Variants in RAB27A observed in about 807,000 individuals in gnomAD.
RAB27A encodes the protein ras-related protein Rab-27A.
In RAB27A, 17 loss-of-function variants were observed where a neutral mutation model predicts 20.8. The observed-to-expected ratio is 0.82, with a 90% CI of 0.56 to 1.23. The LOEUF (loss-of-function observed/expected upper bound fraction) is 1.23. RAB27A is among the 50% of genes most tolerant of loss of function. The probability of loss-of-function intolerance (pLI) is 0.00; values close to 1 mark genes in which losing one functional copy is unlikely to be tolerated. For synonymous variants in RAB27A, 85 were observed against 92.8 expected, an observed-to-expected ratio of 0.92 and a Z score of 0.48; for missense variants, 277 against 266.7, an observed-to-expected ratio of 1.04 and a Z score of -0.27.
chr15:55,296,014 A>G (rs1281341458), intron 2 of RAB27A, among the ~76,000 whole-genome samples: 1 of 151,100 alleles, frequency 6.6e-6, no homozygotes, highest in Non-Finnish European at 1.5e-5. Flanking sequence ...CTCCTGCCTC[A>G]GCCTCTCGAG....
chr15:55,312,283 G>A (rs147671762), intron 2 of RAB27A, among the ~76,000 whole-genome samples: 3 of 152,288 alleles, frequency 2.0e-5, no homozygotes, highest in African/African-American at 7.2e-5. Flanking sequence ...AGCTGGAGCC[G>A]TAACAAATAT....
At chr15:55,305,237 T>C (rs147588038) in intron 2 of RAB27A, among the ~76,000 whole-genome samples, 2 of 152,248 alleles carry the variant, frequency 1.3e-5, no homozygotes, top group African/African-American at 4.8e-5. Context: ...ACCCAAGTGC[T>C]TTTGGGGAGG....
chr15:55,228,572 A>ATT (rs781708799), intron 5 of RAB27A, 37 bp downstream of exon 5: 16 of 1,418,582 alleles, frequency 1.1e-5, no homozygotes, highest in Admixed American at 1.7e-5. Context: ...ATAAGAGGGG[A>ATT]CTGTGTAGCA....
chr15:55,221,502 A>G (rs1012843847), intron 6 of RAB27A, among the ~76,000 whole-genome samples: 2 of 152,144 alleles, frequency 1.3e-5, no homozygotes, highest in Non-Finnish European at 2.9e-5. Flanking sequence ...ACTGGCCGGT[A>G]AGACTCTGTC....
chr15:55,242,661 TTTAAG>T (rs879862729), intron 2 of RAB27A, among the ~76,000 whole-genome samples: 30 of 152,242 alleles, frequency 2.0e-4, no homozygotes, highest in African/African-American at 4.8e-4. Context: ...CAGAAAGAAA[TTTAAG>T]TTAAGTACAA....
At chr15:55,238,279 C>G (rs1896343886) in intron 2 of RAB27A, 1 of 152,090 alleles carries the variant, frequency 6.6e-6, no homozygotes, top group Non-Finnish European at 1.5e-5. Flanking sequence ...CTCCTAGCTC[C>G]AAGTCCAATG....
chr15:55,273,263 G>T (rs1399824416), intron 1 of RAB27A, among the ~76,000 whole-genome samples: 3 of 151,836 alleles, frequency 2.0e-5, no homozygotes, highest in East Asian at 1.9e-4. Flanking sequence ...AAAAAAATTA[G>T]CCAGGCATGG....
intron 1 of RAB27A, chr15:55,317,202 A>C (rs901372282): frequency 6.6e-6 from 1 of 152,320 alleles, no homozygotes; most frequent in African/African-American, 2.4e-5. Flanking sequence ...AAAAATCATT[A>C]TCCATGATTT....
chr15:55,234,805 T>C lies in RAB27A; in HGVS notation c.130A>G (p.Ile44Val), dbSNP rs763762181. Residue 44 changes from isoleucine to valine, a missense_variant, in exon 3 of 7, where the codon ATT (isoleucine) becomes GTT (valine). Transcript: ENST00000336787. ...FNSKFITTVG[I>V]DFREKRVVYR... ...ACCACTCTTTTTTCCCTGAAATCAA[T>C]GCCCACTGTTGTGATAAATTTGGAG... 16 of 1,611,594 alleles carry C rather than the reference T, an allele frequency of 9.9e-6. No individual in the cohort carries two copies. Among genetic ancestry groups the C allele is most frequent in the Admixed American group, 5.0e-5 (3 of 59,930 alleles).
intron 2 of RAB27A, among the ~76,000 whole-genome samples, chr15:55,309,971 A>T (rs752911711): frequency 6.6e-6 from 1 of 151,980 alleles, no homozygotes; most frequent in Non-Finnish European, 1.5e-5. Flanking sequence ...TTTAACTCGA[A>T]CAGGACGGGC....
chr15:55,226,010 T>C (rs1895780337), intron 5 of RAB27A, among the ~76,000 whole-genome samples: 1 of 151,676 alleles, frequency 6.6e-6, no homozygotes, highest in South Asian at 2.1e-4. Flanking sequence ...GTGGAAAGGG[T>C]TTTTCAGACA....
At chr15:55,316,508 G>C (rs2055044809) in intron 1 of RAB27A, among the ~76,000 whole-genome samples, 1 of 151,190 alleles carries the variant, frequency 6.6e-6, no homozygotes, top group African/African-American at 2.4e-5. Flanking sequence ...ATGACGGGTT[G>C]ACAGGTGCAG....
At chr15:55,247,949 T>G (rs1006442606) in intron 2 of RAB27A, among the ~76,000 whole-genome samples, 31 of 151,040 alleles carry the variant, frequency 2.1e-4, no homozygotes, top group Non-Finnish European at 2.5e-4. Flanking sequence ...TTTTTTTTTT[T>G]TTTTTTGAGA....
chr15:55,275,562 G>A (rs1016685674), intron 1 of RAB27A, among the ~76,000 whole-genome samples: 1 of 152,028 alleles, frequency 6.6e-6, no homozygotes, highest in Admixed American at 6.6e-5. Context: ...GGAGGCAGAG[G>A]TTGCAGTGAG....
At chr15:55,271,606 T>A (rs557854837) in intron 1 of RAB27A, among the ~76,000 whole-genome samples, 1 of 152,388 alleles carries the variant, frequency 6.6e-6, no homozygotes, top group South Asian at 2.1e-4. Context: ...CACCCCTGTA[T>A]GCTAATTATT....
chr15:55,278,482 A>AT (rs11290945), intron 1 of RAB27A, among the ~76,000 whole-genome samples: 6,452 of 137,380 alleles, frequency 0.047, 223 homozygotes, highest in Non-Finnish European at 0.062. Flanking sequence ...AATCATTATT[A>AT]TTTTTTTTTT....
intron 6 of RAB27A, among the ~76,000 whole-genome samples, chr15:55,207,030 T>C (rs1047175879): frequency 5.3e-5 from 8 of 152,192 alleles, no homozygotes; most frequent in African/African-American, 1.4e-4. Context: ...TTCTAAGAAA[T>C]TACATTTGTG....
In RAB27A at chr15:55,241,600, T is replaced by TTATATATATA. The variant is rs58693379; in HGVS notation, c.-22-6654_-22-6645dup. On this transcript the variant is annotated intron_variant, in intron 2 of 6. Transcript: ENST00000336787. ...AGCCCAGGCAACTAGCAAGACCTAT[T>TTATATATATA]TATATATATATATATATATATATAT... Among the ~76,000 whole-genome samples the TTATATATATA allele has an allele frequency of 2.0e-3, 247 of 123,870 alleles. 10 individuals carry two copies. The highest frequency in any genetic ancestry group is 9.5e-3 in the African/African-American group (223 of 23,438). The allele number at this position is 123,870 out of a possible 152,430, so 81.3% of individuals were successfully genotyped here.
At chr15:55,265,971 G>A (rs1897464249) in intron 2 of RAB27A, among the ~76,000 whole-genome samples, 1 of 152,196 alleles carries the variant, frequency 6.6e-6, no homozygotes, top group Non-Finnish European at 1.5e-5. Flanking sequence ...ACCATGAGAT[G>A]TGTGCCTTAG....
Sources: gnomAD v4.1 joint callset for allele counts (sites outside exome capture counted in the v4.1 genomes callset) on GRCh38, gnomAD v4.1.1 for gene constraint, MANE v1.5 for transcripts, NCBI Gene and HGNC (gene_info 2026-07-23, HGNC 2026-07-21) for gene names.